ADAMTS16: variants seen among roughly 807,000 people sequenced by gnomAD.
ADAMTS16 encodes the protein A disintegrin and metalloproteinase with thrombospondin motifs 16.
A neutral mutation model predicts 145.8 loss-of-function variants in ADAMTS16; 94 were observed. The ratio of observed to expected loss-of-function variants is 0.64; its 90% confidence interval spans 0.55 to 0.77. The LOEUF (loss-of-function observed/expected upper bound fraction) is 0.77. Ranked by LOEUF, ADAMTS16 falls within the 30% of genes least tolerant of loss-of-function variation. ADAMTS16 has a pLI of 0.00. For synonymous variants in ADAMTS16, 659 were observed against 604.3 expected (o/e 1.09, Z -1.33); for missense variants, 1,585 against 1,591.5 (o/e 1.00, Z 0.07).
chr5:5,256,224 T>C (rs1460326162), intron 17 of ADAMTS16, among the ~76,000 whole-genome samples: 1 of 152,220 alleles, frequency 6.6e-6, no homozygotes, highest in East Asian at 1.9e-4. Flanking sequence ...TTAGTTGTCA[T>C]GATAATTGGG....
rs188897345 is a variant in ADAMTS16, at chr5:5,176,603, C to T, written c.502-5441C>T. 4.6e-5 allele frequency among the ~76,000 whole-genome samples: 7 copies of T among 151,928 alleles called. No individual in the cohort carries two copies. In the East Asian group the frequency reaches 5.8e-4, roughly 13 times the overall value. On this transcript the variant is annotated intron_variant, in intron 3 of 22. Coordinates refer to ENST00000274181, the MANE Select transcript of ADAMTS16 (RefSeq NM_139056.4). ...TGAGGCTTCAGTGATGAGATTTTAA[C>T]GTACAAAAAAAATCACTGCTTCTCC...
chr5:5,140,869 A>C, intron 2 of ADAMTS16, 103 bp downstream of exon 2: 1 of 1,157,960 alleles, frequency 8.6e-7, no homozygotes, highest in Non-Finnish European at 1.2e-6. Context: ...ACTCTGTGGA[A>C]CCCTACTTTT....
At chr5:5,305,254 C>A in intron 20 of ADAMTS16, among the ~76,000 whole-genome samples, 1 of 98,750 alleles carries the variant, frequency 1.0e-5, no homozygotes. Context: ...AATCCCACAC[C>A]ACACACACAA....
At chr5:5,150,375 A>G (rs988313055) in intron 3 of ADAMTS16, among the ~76,000 whole-genome samples, 1 of 152,192 alleles carries the variant, frequency 6.6e-6, no homozygotes, top group African/African-American at 2.4e-5. Context: ...AAGTGGCTTT[A>G]TTACTTAGAG....
intron 3 of ADAMTS16, among the ~76,000 whole-genome samples, chr5:5,157,121 G>A (rs900143097): frequency 6.7e-6 from 1 of 149,072 alleles, no homozygotes; most frequent in Non-Finnish European, 1.5e-5. Flanking sequence ...TTTTTTTTTA[G>A]GAAGAACAGC....
chr5:5,232,421 C>A lies in ADAMTS16; in HGVS notation c.1755C>A (p.Thr585=). Residue 585 remains threonine, a synonymous_variant, in exon 12 of 23, where the codon ACC becomes ACA. Transcript: ENST00000274181. ...ATGGTGATGAAGGCCCCAAGCCCAC[C>A]CATGGCCACTGGTCGGACTGGTCTT... ...VKYGDEGPKP[T]HGHWSDWSSW... The A allele has an allele frequency of 1.9e-6, 3 of 1,613,956 alleles. No individual in the cohort carries two copies. The highest frequency in any genetic ancestry group is 2.5e-6 in the Non-Finnish European group (3 of 1,180,008).
chr5:5,318,916 C>A (rs752672159), intron 22 of ADAMTS16, 107 bp from the exon 23 acceptor site: 13 of 792,772 alleles, frequency 1.6e-5, no homozygotes, highest in Non-Finnish European at 2.3e-5. Flanking sequence ...CTGCAGCAGC[C>A]GCAGAGCGTG....
chr5:5,302,139 CA>C (rs1739807413), intron 18 of ADAMTS16, among the ~76,000 whole-genome samples: 1 of 152,170 alleles, frequency 6.6e-6, no homozygotes, highest in Non-Finnish European at 1.5e-5. Context: ...AGCCCTCCTG[CA>C]GATGGGCTTG....
intron 22 of ADAMTS16, among the ~76,000 whole-genome samples, 181 bp downstream of exon 22, chr5:5,318,462 T>C (rs1380216134): frequency 6.6e-6 from 1 of 152,214 alleles, no homozygotes; most frequent in East Asian, 1.9e-4. Context: ...CCTCTCATGA[T>C]GCCCCAGGAC....
At chr5:5,176,521 G>A (rs760295315) in intron 3 of ADAMTS16, among the ~76,000 whole-genome samples, 1 of 151,990 alleles carries the variant, frequency 6.6e-6, no homozygotes, top group Non-Finnish European at 1.5e-5. Flanking sequence ...AAATATGAGA[G>A]CTCTTCATGC....
intron 21 of ADAMTS16, among the ~76,000 whole-genome samples, chr5:5,314,898 T>G (rs1049102844): frequency 2.0e-5 from 3 of 152,176 alleles, no homozygotes; most frequent in Non-Finnish European, 4.4e-5. Flanking sequence ...GCAACTGTCC[T>G]AAGGCTCAGG....
chr5:5,298,664 AT>A (rs1739646256), intron 18 of ADAMTS16, among the ~76,000 whole-genome samples: 1 of 151,868 alleles, frequency 6.6e-6, no homozygotes, highest in Non-Finnish European at 1.5e-5. Context: ...ACATCTCTTT[AT>A]TGTTGAATGG....
intron 2 of ADAMTS16, among the ~76,000 whole-genome samples, chr5:5,145,440 C>G (rs1190502825): frequency 2.0e-5 from 3 of 152,168 alleles, no homozygotes; most frequent in Non-Finnish European, 4.4e-5. Context: ...AGTGATGGCA[C>G]AGCAGTCATT....
chr5:5,160,978 G>T (rs1734728439), intron 3 of ADAMTS16, among the ~76,000 whole-genome samples: 1 of 152,130 alleles, frequency 6.6e-6, no homozygotes, highest in Non-Finnish European at 1.5e-5. Context: ...TAATCTCACA[G>T]ATTGCAATTT....
chr5:5,273,735 G>A (rs1222888332), intron 18 of ADAMTS16, among the ~76,000 whole-genome samples: 1 of 152,192 alleles, frequency 6.6e-6, no homozygotes, highest in Admixed American at 6.5e-5. Context: ...TATTTAAGCA[G>A]GTACAGACAT....
rs766865413 is a variant in ADAMTS16 at position 5,186,161 on chromosome 5, C to T, written c.873C>T (p.Asn291=). The T allele has an allele frequency of 1.1e-5, 18 of 1,613,980 alleles. No homozygotes were observed. Among genetic ancestry groups the T allele is most frequent in the African/African-American group, 1.3e-5 (1 of 74,886 alleles). The stretch of plus-strand genomic sequence containing the variant: ...GGTCCCATAGAAATGAAGAACTGAA[C>T]GTGGAGACCTTGGTGGTGGTCGACA... ...LLRSHRNEEL[N]VETLVVVDKK... The change falls in exon 5 of 23, where the codon AAC becomes AAT. Residue 291 remains asparagine, a synonymous_variant. Coordinates refer to ENST00000274181, the MANE Select transcript of ADAMTS16 (RefSeq NM_139056.4).
At chr5:5,177,626 T>C (rs1438703115) in intron 3 of ADAMTS16, among the ~76,000 whole-genome samples, 1 of 151,918 alleles carries the variant, frequency 6.6e-6, no homozygotes, top group Non-Finnish European at 1.5e-5. Context: ...TCTGAGGTTA[T>C]AAGAAAATAA....
intron 10 of ADAMTS16, 126 bp downstream of exon 10, chr5:5,209,372 G>A (rs1736214793): frequency 3.5e-6 from 4 of 1,158,888 alleles, no homozygotes; most frequent in Non-Finnish European, 4.8e-6. Context: ...GTATGTTAAG[G>A]CTGGTCCTGT....
chr5:5,299,844 C>T (rs1185747625), intron 18 of ADAMTS16, among the ~76,000 whole-genome samples: 1 of 152,202 alleles, frequency 6.6e-6, no homozygotes, highest in Non-Finnish European at 1.5e-5. Context: ...AGCGAGAACG[C>T]TTGTGGCCAC....
Sources: gnomAD v4.1 joint callset for allele counts (sites outside exome capture counted in the v4.1 genomes callset) on GRCh38, gnomAD v4.1.1 for gene constraint, MANE v1.5 for transcripts, NCBI Gene and HGNC (gene_info 2026-07-23, HGNC 2026-07-21) for gene names.